The following SOX5 variants were observed in gnomAD, a reference collection of about 807,000 sequenced individuals.
SOX5 encodes the protein transcription factor SOX-5.
Under a neutral mutation model 92.0 loss-of-function variants are expected in SOX5, and 9 were observed. The ratio of observed to expected loss-of-function variants is 0.10; its 90% CI spans 0.06 to 0.17. SOX5 has a LOEUF of 0.17. Among genes scored for constraint, SOX5 ranks in the 10% least tolerant of loss-of-function variants. SOX5 has a pLI of 1.00. For missense variants in SOX5, 642 were observed against 944.5 expected (o/e 0.68, Z 4.20); for synonymous variants, 344 against 336.3 (o/e 1.02, Z -0.25).
intron 7 of SOX5, among the ~76,000 whole-genome samples, chr12:23,658,012 G>A (rs770407546): frequency 6.6e-6 from 1 of 152,156 alleles, no homozygotes; most frequent in Non-Finnish European, 1.5e-5. Flanking sequence ...TTGCTTGTGT[G>A]TACGTATTTT....
At chr12:23,915,001 T>C (rs1354016688) in intron 1 of SOX5, among the ~76,000 whole-genome samples, 2 of 152,126 alleles carry the variant, frequency 1.3e-5, no homozygotes, top group Non-Finnish European at 2.9e-5. Context: ...AGTAGAGGCA[T>C]GAGGGCAATG....
chr12:24,554,725 A>G (rs1405852231), intron 1 of SOX5, among the ~76,000 whole-genome samples: 1 of 152,194 alleles, frequency 6.6e-6, no homozygotes, highest in Non-Finnish European at 1.5e-5. Context: ...CCTTGCATAC[A>G]CAAAAGTATT....
intron 3 of SOX5, among the ~76,000 whole-genome samples, chr12:23,770,895 G>C (rs2094910602): frequency 6.6e-6 from 1 of 152,066 alleles, no homozygotes; most frequent in Non-Finnish European, 1.5e-5. Flanking sequence ...AGAAGGTGGG[G>C]TGCTTGTTTT....
intron 4 of SOX5, among the ~76,000 whole-genome samples, chr12:24,050,189 T>C (rs1229879099): frequency 6.6e-6 from 1 of 151,668 alleles, no homozygotes; most frequent in Non-Finnish European, 1.5e-5. Flanking sequence ...AAAATGTGGA[T>C]TTTATAAGGT....
chr12:23,701,225 G>C (rs10842214), intron 6 of SOX5, among the ~76,000 whole-genome samples: 76,851 of 151,736 alleles, frequency 0.51, 21,515 homozygotes, highest in East Asian at 0.67. Context: ...GAAAACTGTG[G>C]TAGTGCTCAG....
intron 1 of SOX5, among the ~76,000 whole-genome samples, chr12:24,543,490 C>T (rs1952334927): frequency 6.6e-6 from 1 of 152,138 alleles, no homozygotes; most frequent in Non-Finnish European, 1.5e-5. Context: ...AGTTCCAGAC[C>T]AGCCTGGCCA....
chr12:24,223,463 G>C (rs1008898414), intron 3 of SOX5: 3 of 152,124 alleles, frequency 2.0e-5, no homozygotes, highest in African/African-American at 7.2e-5. Context: ...CATTCCAAAA[G>C]AAGTCCCAGG....
At chr12:24,125,562 C>A (rs575482979) in intron 4 of SOX5, among the ~76,000 whole-genome samples, 62 of 152,250 alleles carry the variant, frequency 4.1e-4, no homozygotes, top group Non-Finnish European at 7.6e-4. Context: ...CTCTTGGACA[C>A]GATCTCTGAG....
At chr12:24,508,539 C>T (rs538132853) in intron 1 of SOX5, among the ~76,000 whole-genome samples, 2 of 152,246 alleles carry the variant, frequency 1.3e-5, no homozygotes, top group South Asian at 2.1e-4. Context: ...TTCCGTGAGA[C>T]ATCCAAGTGG....
At chr12:24,091,789 G>A (rs1944686195) in intron 4 of SOX5, among the ~76,000 whole-genome samples, 1 of 152,084 alleles carries the variant, frequency 6.6e-6, no homozygotes, top group Non-Finnish European at 1.5e-5. Flanking sequence ...TTAGGTGGAT[G>A]TTTTTGGGGT....
intron 3 of SOX5, among the ~76,000 whole-genome samples, chr12:24,253,422 T>A (rs1375387151): frequency 6.6e-6 from 1 of 152,094 alleles, no homozygotes; most frequent in Non-Finnish European, 1.5e-5. Context: ...AATCCAAAAC[T>A]AGAAATAGTA....
chr12:24,222,604 G>T (rs1960752593), intron 3 of SOX5, among the ~76,000 whole-genome samples: 1 of 152,120 alleles, frequency 6.6e-6, no homozygotes, highest in Admixed American at 6.6e-5. Context: ...ATATATCTAG[G>T]TTTTATGCAA....
At chr12:24,508,973 G>A (rs966697220) in intron 1 of SOX5, among the ~76,000 whole-genome samples, 33 of 152,236 alleles carry the variant, frequency 2.2e-4, no homozygotes, top group Admixed American at 1.6e-3. Context: ...AAGAAAGTTC[G>A]GAAATTGCCC....
chr12:23,755,617 A>T, intron 4 of SOX5, 21 bp downstream of exon 4: 1 of 1,544,042 alleles, frequency 6.5e-7, no homozygotes, highest in Non-Finnish European at 8.8e-7. Flanking sequence ...ATTTTGGATA[A>T]AAACAATCAC....
At chr12:23,910,781 T>C (rs1024472758) in intron 1 of SOX5, among the ~76,000 whole-genome samples, 2 of 152,182 alleles carry the variant, frequency 1.3e-5, no homozygotes, top group African/African-American at 4.8e-5. Flanking sequence ...TTATCCTTTT[T>C]TAGATGGGGT....
At position 23,593,524 on chromosome 12, in the gene SOX5, A is replaced by C. The variant is rs375342070; in HGVS notation, c.1164+10863T>G. On this transcript the variant is annotated intron_variant, in intron 9 of 14. Coordinates refer to ENST00000451604, the MANE Select transcript of SOX5 (RefSeq NM_006940.6). ...AATGCCACTACCATATTGTATGTACATTAGTGAATGTGAAAACAGGTAAAA... is the reference window on the plus strand; with the variant it reads ...AATGCCACTACCATATTGTATGTACCTTAGTGAATGTGAAAACAGGTAAAA... 5.3e-5 allele frequency among the ~76,000 whole-genome samples: 8 copies of C among 152,302 alleles called. No individual in the cohort carries two copies. In the South Asian group the frequency reaches 1.5e-3, roughly 28 times the overall value.
At chr12:24,183,926 T>C (rs1190008591) in intron 4 of SOX5, among the ~76,000 whole-genome samples, 1 of 152,208 alleles carries the variant, frequency 6.6e-6, no homozygotes, top group Non-Finnish European at 1.5e-5. Flanking sequence ...AACTGATGTA[T>C]GTAAACACTC....
chr12:23,654,597 T>C (rs943448550), intron 7 of SOX5, among the ~76,000 whole-genome samples: 1 of 152,128 alleles, frequency 6.6e-6, no homozygotes. Context: ...ACTTTTTTCC[T>C]CATTATAAGT....
intron 3 of SOX5, among the ~76,000 whole-genome samples, chr12:23,787,904 G>A (rs1441659876): frequency 2.6e-5 from 4 of 151,904 alleles, no homozygotes; most frequent in East Asian, 1.9e-4. Flanking sequence ...GTGAGAAAGT[G>A]CTCCTGCTTA....
Sources: allele counts gnomAD v4.1 joint callset (sites outside exome capture counted in the v4.1 genomes callset), GRCh38; gene constraint gnomAD v4.1.1; transcripts MANE v1.5; gene names NCBI Gene and HGNC (gene_info 2026-07-23, HGNC 2026-07-21).